Variants in PGM3 observed in about 807,000 individuals in gnomAD.
PGM3 encodes phosphoglucomutase 3.
PGM3 carries 40 observed loss-of-function variants against 66.2 expected under a neutral mutation model. That is an observed-to-expected ratio of 0.60 (90% CI 0.47 to 0.79). The LOEUF (loss-of-function observed/expected upper bound fraction) is 0.79. Among genes scored for constraint, PGM3 ranks in the 30% least tolerant of loss-of-function variants. The pLI, the probability that PGM3 is intolerant of heterozygous loss-of-function variation, is 0.00. For synonymous variants in PGM3, 191 were observed against 224.2 expected (o/e 0.85, Z 1.32); for missense variants, 537 against 643.4 (o/e 0.83, Z 1.79).
rs369908536 is a variant in PGM3 at position 83,183,971 on chromosome 6, C to G, written c.458-993G>C. Among the ~76,000 whole-genome samples the G allele has an allele frequency of 7.9e-5, 12 of 152,226 alleles. No homozygotes were observed. The East Asian group carries it at 1.4e-3, about 17-fold the overall frequency. On this transcript the variant is annotated intron_variant, in intron 4 of 12. Transcript: ENST00000513973. ...CCTCAAATGATCCACCCACCTCATACTCCCAAAATGCTGGGATTACAGGCA... is the reference window on the plus strand; with the variant it reads ...CCTCAAATGATCCACCCACCTCATAGTCCCAAAATGCTGGGATTACAGGCA...
chr6:83,166,817 G>T lies in PGM3; in HGVS notation c.*2417C>A, dbSNP rs532589992. 3.0e-6 allele frequency: 3 copies of T among 1,015,470 alleles called. No homozygotes were observed. The highest frequency in any genetic ancestry group is 3.5e-6 in the Non-Finnish European group (3 of 850,228). The allele number at this position is 1,015,470 out of a possible 1,614,324, so 62.9% of individuals were successfully genotyped here. On this transcript the variant is annotated 3_prime_UTR_variant, in exon 13 of 13. Coordinates refer to ENST00000513973, the MANE Select transcript of PGM3 (RefSeq NM_015599.3). ...GATATTAAATTATTAGGTAAACAAT[G>T]AAAGTTTCTGAGCAACATCTGATCT...
At chr6:83,164,502 A>G (rs1225410969), downstream of PGM3, among the ~76,000 whole-genome samples, 1 of 152,166 alleles carries the variant, frequency 6.6e-6, no homozygotes, top group Non-Finnish European at 1.5e-5. Context: ...TAAATAATAA[A>G]TATGACAGTC....
chr6:83,186,040 A>G (rs1358849770), intron 4 of PGM3, among the ~76,000 whole-genome samples: 1 of 152,150 alleles, frequency 6.6e-6, no homozygotes, highest in Admixed American at 6.6e-5. Context: ...TTATTTTTAG[A>G]TCACAGCCCC....
At chr6:83,192,204 G>T (rs950783591) in intron 1 of PGM3, among the ~76,000 whole-genome samples, 1 of 152,094 alleles carries the variant, frequency 6.6e-6, no homozygotes, top group African/African-American at 2.4e-5. Context: ...GGTGGAGGTC[G>T]CAGTGAGCCG....
At chr6:83,191,929 A>C (rs1789107330) in intron 1 of PGM3, among the ~76,000 whole-genome samples, 1 of 140,958 alleles carries the variant, frequency 7.1e-6, no homozygotes, top group Admixed American at 7.4e-5. Context: ...ACTGCACTCC[A>C]GCCTGGGTGA....
At chr6:83,183,346 A>G (rs929691484) in intron 4 of PGM3, among the ~76,000 whole-genome samples, 4 of 152,206 alleles carry the variant, frequency 2.6e-5, no homozygotes, top group African/African-American at 9.6e-5. Context: ...AAAGTGACAG[A>G]ATTATCAGGC....
intron 6 of PGM3, among the ~76,000 whole-genome samples, 177 bp from the exon 7 acceptor site, chr6:83,180,144 A>C (rs796455197): frequency 3.3e-5 from 5 of 152,348 alleles, no homozygotes; most frequent in African/African-American, 1.2e-4. Flanking sequence ...CTTTCACTGC[A>C]AAGTGAAAAA....
In PGM3 at chr6:83,166,809, T is replaced by C; in HGVS notation, c.*2425A>G. On this transcript the variant is annotated 3_prime_UTR_variant, in exon 13 of 13. Transcript: ENST00000513973. ...AAACTAGTGATATTAAATTATTAGG[T>C]AAACAATGAAAGTTTCTGAGCAACA... 1 of 1,024,222 alleles carries C rather than the reference T, an allele frequency of 9.8e-7. No individual in the cohort carries two copies. Among genetic ancestry groups the C allele is most frequent in the Non-Finnish European group, 1.2e-6 (1 of 855,976 alleles). The allele number at this position is 1,024,222 out of a possible 1,614,324, so 63.4% of individuals were successfully genotyped here.
chr6:83,148,738 AT>A, the PGM3 span: 2 of 1,479,672 alleles, frequency 1.4e-6, no homozygotes, highest in Non-Finnish European at 1.8e-6. Flanking sequence ...TGGCTTTTGT[AT>A]AAACTATATT....
At chr6:83,155,246 G>A in the PGM3 span, among the ~76,000 whole-genome samples, 7 of 150,842 alleles carry the variant, frequency 4.6e-5, no homozygotes, top group African/African-American at 1.7e-4. Flanking sequence ...AGGATTGTTT[G>A]AGGCCAGGAG....
downstream of PGM3, chr6:83,161,320 TA>T (rs1172044849): frequency 6.6e-6 from 1 of 152,256 alleles, no homozygotes; most frequent in East Asian, 1.9e-4. Flanking sequence ...TAAAAATCTA[TA>T]AAGTAGAAAG....
At chr6:83,161,220 C>T (rs1183455594), downstream of PGM3, 1 of 152,040 alleles carries the variant, frequency 6.6e-6, no homozygotes, top group Non-Finnish European at 1.5e-5. Flanking sequence ...ATCAGTTTAT[C>T]CTCTTTGTCA....
At chr6:83,157,410 G>A, downstream of PGM3, 6 of 1,338,762 alleles carry the variant, frequency 4.5e-6, no homozygotes, top group South Asian at 4.9e-5. Context: ...CGAATATTGG[G>A]AGAGAACTGA....
At chr6:83,155,241 T>G in the PGM3 span, among the ~76,000 whole-genome samples, 1 of 150,810 alleles carries the variant, frequency 6.6e-6, no homozygotes, top group South Asian at 2.1e-4. Flanking sequence ...GCACTAGGAT[T>G]GTTTGAGGCC....
chr6:83,184,342 G>A (rs969025871), intron 4 of PGM3, among the ~76,000 whole-genome samples: 1 of 152,116 alleles, frequency 6.6e-6, no homozygotes, highest in African/African-American at 2.4e-5. Context: ...TTAAATTCTT[G>A]AGCCCTGAAG....
downstream of PGM3, among the ~76,000 whole-genome samples, chr6:83,156,412 T>A (rs1782803081): frequency 6.6e-6 from 1 of 152,208 alleles, no homozygotes; most frequent in Non-Finnish European, 1.5e-5. Context: ...GTTCTCCTTG[T>A]GGACAAGAAT....
intron 4 of PGM3, among the ~76,000 whole-genome samples, chr6:83,186,439 TG>T (rs1206630574): frequency 6.6e-6 from 1 of 152,184 alleles, no homozygotes; most frequent in Non-Finnish European, 1.5e-5. Context: ...AGTGGACGTT[TG>T]TTTTAATGAG....
chr6:83,160,699 T>G (rs1228363273), downstream of PGM3, among the ~76,000 whole-genome samples: 2 of 152,186 alleles, frequency 1.3e-5, no homozygotes, highest in African/African-American at 2.4e-5. Context: ...GGGCAAGCTA[T>G]GTAAGATTGT....
intron 9 of PGM3, 114 bp from the exon 10 acceptor site, chr6:83,174,601 G>T: frequency 1.8e-6 from 1 of 542,692 alleles, no homozygotes; most frequent in Non-Finnish European, 3.2e-6. Context: ...GAAACTGAGG[G>T]GAAAAATAGT....
Sources: gnomAD v4.1 joint callset for allele counts (sites outside exome capture counted in the v4.1 genomes callset) on GRCh38, gnomAD v4.1.1 for gene constraint, MANE v1.5 for transcripts, NCBI Gene and HGNC (gene_info 2026-07-23, HGNC 2026-07-21) for gene names.